Variants in SHROOM3 observed in about 807,000 individuals in gnomAD.
SHROOM3 encodes the protein protein Shroom3.
A neutral mutation model predicts 138.6 loss-of-function variants in SHROOM3; 47 were observed. The ratio of observed to expected loss-of-function variants is 0.34; its 90% CI spans 0.27 to 0.43. SHROOM3 has a LOEUF of 0.43. SHROOM3 is among the 20% of genes least tolerant of loss of function. The pLI is 1.00. For missense variants in SHROOM3, 2,491 were observed against 2,596.5 expected, an observed-to-expected ratio of 0.96 and a Z score of 0.88; for synonymous variants, 1,062 against 1,063.3, an observed-to-expected ratio of 1.00 and a Z score of 0.02.
At chr4:76,469,398 C>T (rs901556534) in intron 1 of SHROOM3, among the ~76,000 whole-genome samples, 1 of 152,024 alleles carries the variant, frequency 6.6e-6, no homozygotes, top group Non-Finnish European at 1.5e-5. Flanking sequence ...GCAAGGCCAC[C>T]TAAGTCCCCC....
intron 1 of SHROOM3, among the ~76,000 whole-genome samples, chr4:76,440,026 A>G (rs959207653): frequency 3.9e-5 from 6 of 152,230 alleles, no homozygotes; most frequent in South Asian, 2.1e-4. Context: ...GCATGATTTT[A>G]TTATGATTCA....
At chr4:76,583,152 A>G (rs1233215795) in intron 2 of SHROOM3, among the ~76,000 whole-genome samples, 1 of 152,200 alleles carries the variant, frequency 6.6e-6, no homozygotes, top group Non-Finnish European at 1.5e-5. Flanking sequence ...CTGGGGGAGC[A>G]GCGTGGTGTG....
intron 2 of SHROOM3, among the ~76,000 whole-genome samples, chr4:76,697,063 C>T (rs1341002384): frequency 6.6e-6 from 1 of 151,600 alleles, no homozygotes; most frequent in Non-Finnish European, 1.5e-5. Context: ...ACCACAGGCA[C>T]ATGCCACCGC....
intron 9 of SHROOM3, 67 bp from the exon 10 acceptor site, chr4:76,770,559 G>A (rs1428717271): frequency 8.2e-6 from 13 of 1,590,358 alleles, no homozygotes; most frequent in African/African-American, 2.7e-5. Context: ...GTGGCTGGGG[G>A]AGGTGACTTC....
In SHROOM3 at chr4:76,436,045, T is replaced by A. The variant is rs79606629; in HGVS notation, c.-8T>A. The A allele has an allele frequency of 5.9e-4, 953 of 1,613,582 alleles. 11 individuals carry two copies. In the African/African-American group the frequency reaches 0.011, roughly 19 times the overall value. ...TTTAAATTTAACTTGAGGGATCATG[T>A]GTTTGGCATGATGAGGACCACTGAA... On this transcript the variant is annotated 5_prime_UTR_variant, in exon 1 of 11. Transcript: ENST00000296043.
intron 2 of SHROOM3, among the ~76,000 whole-genome samples, chr4:76,567,475 C>A (rs371406180): frequency 6.6e-6 from 1 of 152,050 alleles, no homozygotes; most frequent in Non-Finnish European, 1.5e-5. Flanking sequence ...ACGATAAAAC[C>A]CTGTCTCTAT....
At chr4:76,513,401 C>T (rs1336089923) in intron 1 of SHROOM3, among the ~76,000 whole-genome samples, 1 of 151,988 alleles carries the variant, frequency 6.6e-6, no homozygotes, top group Non-Finnish European at 1.5e-5. Flanking sequence ...GCAACCTCTG[C>T]CTCCCAGGTT....
At chr4:76,454,910 G>A (rs557556153) in intron 1 of SHROOM3, among the ~76,000 whole-genome samples, 1 of 152,120 alleles carries the variant, frequency 6.6e-6, no homozygotes, top group Admixed American at 6.5e-5. Context: ...TCTTTTTGAT[G>A]CTATTGTATA....
Position 76,779,417 on chromosome 4 carries a change from A to T in SHROOM3, c.*240A>T. 2.1e-6 allele frequency: 1 copy of T among 486,284 alleles called. No homozygotes were observed. Among genetic ancestry groups the T allele is most frequent in the Non-Finnish European group, 3.6e-6 (1 of 277,880 alleles). The allele number at this position is 486,284 out of a possible 1,614,324, so 30.1% of individuals were successfully genotyped here. On this transcript the variant is annotated 3_prime_UTR_variant, in exon 11 of 11. Transcript: ENST00000296043. ...TTTCTATTATTACTTTGTAGTAGAA[A>T]GAAAGTTAATGAAACTGAGAACTGA... is the stretch of plus-strand genomic sequence containing the variant.
chr4:76,736,063 C>T (rs900461878), intron 4 of SHROOM3, among the ~76,000 whole-genome samples: 7 of 151,372 alleles, frequency 4.6e-5, no homozygotes, highest in Admixed American at 4.0e-4. Flanking sequence ...CCTAATGTCT[C>T]CTACCTTCAT....
chr4:76,531,428 G>A (rs886298436), intron 1 of SHROOM3, among the ~76,000 whole-genome samples: 1 of 152,138 alleles, frequency 6.6e-6, no homozygotes, highest in African/African-American at 2.4e-5. Context: ...ACCCTGGCAA[G>A]GTAATTAACC....
chr4:76,598,280 C>T (rs923260333), intron 2 of SHROOM3, among the ~76,000 whole-genome samples: 12 of 152,226 alleles, frequency 7.9e-5, no homozygotes, highest in African/African-American at 2.9e-4. Flanking sequence ...CCCACCTCGG[C>T]CTCCGAAAGT....
Position 76,437,844 on chromosome 4 carries a change from C to T in SHROOM3, c.168+1624C>T, listed in dbSNP as rs141275145. On this transcript the variant is annotated intron_variant, in intron 1 of 10. Transcript: ENST00000296043. ...TCGGCATTTAAAAAGTCTAGTTGTACACAATTTGCCTGTCCCTTAATGATA... is the reference window on the plus strand; with the variant it reads ...TCGGCATTTAAAAAGTCTAGTTGTATACAATTTGCCTGTCCCTTAATGATA... Among the ~76,000 whole-genome samples the T allele has an allele frequency of 7.4e-4, 113 of 152,280 alleles. 2 individuals carry two copies. The East Asian group carries it at 0.02, about 27-fold the overall frequency.
In SHROOM3 at chr4:76,780,713, A is replaced by G. The variant is rs1172274924; in HGVS notation, c.*1536A>G. 2.0e-5 allele frequency: 3 copies of G among 152,186 alleles called. No homozygotes were observed. The highest frequency in any genetic ancestry group is 1.3e-4 in the Admixed American group (2 of 15,276). The allele number at this position is 152,186 out of a possible 1,614,324, so 9.4% of individuals were successfully genotyped here. On this transcript the variant is annotated 3_prime_UTR_variant, in exon 11 of 11. Coordinates refer to ENST00000296043, the MANE Select transcript of SHROOM3 (RefSeq NM_020859.4). ...GGCCACCCAGAAGTTTCCTTTGCAT[A>G]GTCAACCAAAGCTATGGCTTTGTTC...
chr4:76,617,439 C>A (rs549367824), intron 2 of SHROOM3, among the ~76,000 whole-genome samples: 1 of 152,108 alleles, frequency 6.6e-6, no homozygotes, highest in Non-Finnish European at 1.5e-5. Context: ...ATATATAATG[C>A]TTTAACTGAA....
chr4:76,770,594 G>A, intron 9 of SHROOM3, 32 bp from the exon 10 acceptor site: 1 of 1,611,874 alleles, frequency 6.2e-7, no homozygotes, highest in African/African-American at 1.3e-5. Context: ...CCTCCTGTTG[G>A]CTGATCTTTG....
At chr4:76,771,148 T>G (rs113114926) in intron 10 of SHROOM3, among the ~76,000 whole-genome samples, 3,847 of 152,248 alleles carry the variant, frequency 0.025, 168 homozygotes, top group African/African-American at 0.087. Context: ...GCGGATCACC[T>G]GAGGTCAGGA....
At chr4:76,459,354 G>C (rs576165584) in intron 1 of SHROOM3, among the ~76,000 whole-genome samples, 44 of 152,126 alleles carry the variant, frequency 2.9e-4, no homozygotes, top group Non-Finnish European at 6.0e-4. Context: ...TCCCCATTAA[G>C]GCATGCTTGA....
chr4:76,575,022 C>A (rs1462920723), intron 2 of SHROOM3, among the ~76,000 whole-genome samples: 1 of 152,204 alleles, frequency 6.6e-6, no homozygotes, highest in Non-Finnish European at 1.5e-5. Flanking sequence ...GGATTTATCT[C>A]TGGGATGCAA....
Sources: gnomAD v4.1 joint callset for allele counts (sites outside exome capture counted in the v4.1 genomes callset) on GRCh38, gnomAD v4.1.1 for gene constraint, MANE v1.5 for transcripts, NCBI Gene and HGNC (gene_info 2026-07-23, HGNC 2026-07-21) for gene names.